The following DNM3 variants were observed in gnomAD, a reference collection of about 807,000 sequenced individuals.
The protein encoded by DNM3 is dynamin 3, also known as dynamin-3.
Under a neutral mutation model 101.6 loss-of-function variants are expected in DNM3, and 47 were observed. The observed-to-expected ratio is 0.46, with a 90% CI of 0.37 to 0.59. DNM3 has a LOEUF of 0.59. DNM3 is among the 20% of genes least tolerant of loss of function. DNM3 has a pLI of 0.00. For missense variants in DNM3, 849 were observed against 1,085.7 expected (o/e 0.78, Z 3.06); for synonymous variants, 385 against 387.9 (o/e 0.99, Z 0.09).
At chr1:172,269,586 A>G (rs571911068) in intron 15 of DNM3, among the ~76,000 whole-genome samples, 1 of 152,356 alleles carries the variant, frequency 6.6e-6, no homozygotes, top group Non-Finnish European at 1.5e-5. Flanking sequence ...GGCTTTGTTA[A>G]AAAAACTAGC....
chr1:171,920,705 G>C (rs1407079847), intron 1 of DNM3, among the ~76,000 whole-genome samples: 1 of 152,202 alleles, frequency 6.6e-6, no homozygotes, highest in Non-Finnish European at 1.5e-5. Flanking sequence ...AATAATTTAT[G>C]TGGCATTGCA....
chr1:172,288,586 A>G (rs1460834736), intron 15 of DNM3, among the ~76,000 whole-genome samples: 1 of 152,206 alleles, frequency 6.6e-6, no homozygotes, highest in African/African-American at 2.4e-5. Flanking sequence ...AGAGGTGATG[A>G]CATCCTGGAC....
chr1:171,942,201 A>ATTTTTTTTTT (rs71561599), intron 2 of DNM3, among the ~76,000 whole-genome samples: 8 of 103,580 alleles, frequency 7.7e-5, no homozygotes, highest in African/African-American at 1.1e-4. Flanking sequence ...TGCTCACTTG[A>ATTTTTTTTTT]TTTTTTTTTT....
intron 14 of DNM3, among the ~76,000 whole-genome samples, chr1:172,210,236 C>T (rs984060977): frequency 1.3e-5 from 2 of 150,542 alleles, no homozygotes. Context: ...TCTTCAGATT[C>T]CTAAGTTACT....
At position 172,229,114 on chromosome 1, in the gene DNM3, T is replaced by G. The variant is rs565928332; in HGVS notation, c.1660-24459T>G. ...CCAACGAGTTAGGCTTTCATTATTT[T>G]TCTGGTCTTACTTAATGAAGAAACA... On this transcript the variant is annotated intron_variant, in intron 14 of 20. Coordinates refer to ENST00000627582, the MANE Select transcript of DNM3 (RefSeq NM_015569.5). Among the ~76,000 whole-genome samples, 230 of 152,320 alleles carry G rather than the reference T, an allele frequency of 1.5e-3. 3 individuals carry two copies. The highest frequency in any genetic ancestry group is 0.014 in the South Asian group (67 of 4,818).
At chr1:172,267,507 A>G (rs1439558252) in intron 15 of DNM3, among the ~76,000 whole-genome samples, 1 of 152,224 alleles carries the variant, frequency 6.6e-6, no homozygotes, top group Non-Finnish European at 1.5e-5. Context: ...CAGACTGTAT[A>G]AATGAGTGCT....
In DNM3 at chr1:172,410,669, T is replaced by G. The variant is rs375955903; in HGVS notation, c.*2828T>G. On this transcript the variant is annotated 3_prime_UTR_variant, in exon 21 of 21. Transcript: ENST00000627582. Reference sequence around the variant, plus strand: ...TCTGAATATTGCTTTTAGCCGTGTTTTATAACATAGACGAGCAGTAGGGTC... The same window carrying G: ...TCTGAATATTGCTTTTAGCCGTGTTGTATAACATAGACGAGCAGTAGGGTC... 15 of 985,340 alleles carry G rather than the reference T, an allele frequency of 1.5e-5. No individual in the cohort carries two copies. In the East Asian group the frequency reaches 1.0e-3, roughly 67 times the overall value. The allele number at this position is 985,340 out of a possible 1,614,324, so 61.0% of individuals were successfully genotyped here. A position where few individuals can be genotyped will look rare whatever the true frequency, so the allele number is the denominator to read the frequency against.
intron 15 of DNM3, among the ~76,000 whole-genome samples, chr1:172,304,751 A>G (rs542693625): frequency 1.3e-5 from 2 of 152,346 alleles, no homozygotes; most frequent in East Asian, 3.9e-4. Context: ...GCTCAACTAC[A>G]TGAAACTGAA....
chr1:171,922,850 T>C (rs1015761087), intron 2 of DNM3, among the ~76,000 whole-genome samples: 3 of 152,250 alleles, frequency 2.0e-5, no homozygotes, highest in African/African-American at 7.2e-5. Context: ...CTTTTCAAGG[T>C]TCATCCATGT....
chr1:172,238,581 G>GT (rs1417571908), intron 14 of DNM3, among the ~76,000 whole-genome samples: 2 of 152,102 alleles, frequency 1.3e-5, no homozygotes, highest in Non-Finnish European at 2.9e-5. Context: ...TGTTATCTTC[G>GT]TAAGTCAGCA....
intron 14 of DNM3, among the ~76,000 whole-genome samples, chr1:172,188,636 A>G (rs1178541163): frequency 2.0e-5 from 3 of 152,058 alleles, no homozygotes; most frequent in Non-Finnish European, 4.4e-5. Context: ...GCTACTCTAA[A>G]CATTTATATG....
chr1:172,165,663 A>G (rs575364103), intron 14 of DNM3, among the ~76,000 whole-genome samples: 3 of 152,080 alleles, frequency 2.0e-5, no homozygotes, highest in Non-Finnish European at 4.4e-5. Context: ...TTAAATTCTT[A>G]CTTCCTTCAA....
intron 15 of DNM3, among the ~76,000 whole-genome samples, chr1:172,261,578 A>G (rs934940331): frequency 3.9e-5 from 6 of 152,232 alleles, no homozygotes; most frequent in African/African-American, 1.4e-4. Context: ...GCTTTCTCAG[A>G]TGCTGCTAAT....
At chr1:172,037,274 G>A (rs1014597227) in intron 6 of DNM3, among the ~76,000 whole-genome samples, 1 of 152,132 alleles carries the variant, frequency 6.6e-6, no homozygotes, top group Non-Finnish European at 1.5e-5. Flanking sequence ...ATTTGACCCA[G>A]CCATCCCATT....
chr1:171,922,174 T>C (rs980372730), intron 2 of DNM3, among the ~76,000 whole-genome samples: 1 of 151,622 alleles, frequency 6.6e-6, no homozygotes, highest in Non-Finnish European at 1.5e-5. Context: ...TGCATGCACA[T>C]GCACTTGGGG....
At chr1:171,966,569 G>A (rs370659759) in intron 2 of DNM3, among the ~76,000 whole-genome samples, 17 of 152,328 alleles carry the variant, frequency 1.1e-4, no homozygotes, top group Middle Eastern at 3.4e-3. Context: ...CATCGACCCA[G>A]GGTATTCTCC....
intron 10 of DNM3, among the ~76,000 whole-genome samples, chr1:172,053,734 G>T (rs997894506): frequency 1.4e-4 from 22 of 151,982 alleles, no homozygotes; most frequent in Admixed American, 2.0e-4. Context: ...ATTTAGGCAG[G>T]TTTTCTTTCA....
At chr1:172,107,593 G>A (rs548318149) in intron 13 of DNM3, among the ~76,000 whole-genome samples, 2 of 152,260 alleles carry the variant, frequency 1.3e-5, no homozygotes, top group South Asian at 2.1e-4. Context: ...AAGGTGTCAC[G>A]AGATCTTTTG....
chr1:172,257,399 C>T (rs995334050), intron 15 of DNM3, among the ~76,000 whole-genome samples: 1 of 152,074 alleles, frequency 6.6e-6, no homozygotes, highest in Non-Finnish European at 1.5e-5. Flanking sequence ...ATAAGCCTGC[C>T]AATTTTTGCT....
Sources: gnomAD v4.1 joint callset for allele counts (sites outside exome capture counted in the v4.1 genomes callset) on GRCh38, gnomAD v4.1.1 for gene constraint, MANE v1.5 for transcripts, NCBI Gene and HGNC (gene_info 2026-07-23, HGNC 2026-07-21) for gene names.